B4GALT1: variants seen among roughly 807,000 people sequenced by gnomAD.
B4GALT1 encodes the protein N-acetyllactosamine synthase.
A neutral mutation model predicts 34.9 loss-of-function variants in B4GALT1; 16 were observed. That is an observed-to-expected ratio of 0.46 (90% CI 0.31 to 0.70). B4GALT1 has a LOEUF of 0.70. Among genes scored for constraint, B4GALT1 ranks in the 30% least tolerant of loss-of-function variants. The pLI, the probability that B4GALT1 is intolerant of heterozygous loss-of-function variation, is 0.05. For missense variants in B4GALT1, 445 were observed against 530.5 expected (o/e 0.84, Z 1.58); for synonymous variants, 221 against 218.1 (o/e 1.01, Z -0.12).
chr9:33,164,951 C>T (rs1462526592), intron 1 of B4GALT1, among the ~76,000 whole-genome samples: 3 of 146,124 alleles, frequency 2.1e-5, no homozygotes, highest in South Asian at 2.2e-4. Context: ...TATTATTATA[C>T]GGTGTATTGA....
rs985190534 is a variant in B4GALT1 at position 33,127,697 on chromosome 9, A to G, written c.649-7091T>C. On this transcript the variant is annotated intron_variant, in intron 2 of 5. Transcript: ENST00000379731. ...TTATGATGGAATTCTACGATCAACT[A>G]CTATGAAGGTATGGAAAGTGATGAT... Among the ~76,000 whole-genome samples, 3 of 152,248 alleles carry G rather than the reference A, an allele frequency of 2.0e-5. No individual in the cohort carries two copies. The East Asian group carries it at 5.8e-4, about 29-fold the overall frequency.
chr9:33,157,801 A>C (rs541496700), intron 1 of B4GALT1, among the ~76,000 whole-genome samples: 2 of 152,256 alleles, frequency 1.3e-5, no homozygotes, highest in Non-Finnish European at 2.9e-5. Context: ...ACATATATTC[A>C]CAACTTATTC....
At chr9:33,150,233 T>TACACACACACAC (rs10701535) in intron 1 of B4GALT1, among the ~76,000 whole-genome samples, 53 of 138,168 alleles carry the variant, frequency 3.8e-4, no homozygotes, top group Middle Eastern at 3.5e-3. Flanking sequence ...TACAGGTAGA[T>TACACACACACAC]ACACACACAC....
intron 1 of B4GALT1, among the ~76,000 whole-genome samples, chr9:33,149,713 G>A (rs546943550): frequency 2.0e-5 from 3 of 152,244 alleles, no homozygotes; most frequent in South Asian, 2.1e-4. Context: ...TCTAGATCTC[G>A]TTACACTGAG....
upstream of B4GALT1, chr9:33,167,338 G>A: frequency 1.1e-6 from 1 of 878,718 alleles, no homozygotes. Flanking sequence ...CCTGGGAGCG[G>A]CGAGAAGCCG....
intron 2 of B4GALT1, among the ~76,000 whole-genome samples, chr9:33,133,220 C>A (rs1025337615): frequency 8.5e-5 from 13 of 152,216 alleles, no homozygotes; most frequent in African/African-American, 3.1e-4. Flanking sequence ...TATATTTTAA[C>A]CTACCTATAT....
At chr9:33,107,625 T>C (rs1483220874), downstream of B4GALT1, among the ~76,000 whole-genome samples, 1 of 152,182 alleles carries the variant, frequency 6.6e-6, no homozygotes, top group South Asian at 2.1e-4. Flanking sequence ...GGGGATCTGG[T>C]GATTACTCTC....
intron 4 of B4GALT1, 83 bp downstream of exon 4, chr9:33,115,908 C>A: frequency 1.3e-6 from 2 of 1,547,264 alleles, no homozygotes; most frequent in South Asian, 1.1e-5. Flanking sequence ...GAGGGTCAGT[C>A]CTTGGGGAAC....
the B4GALT1 span, among the ~76,000 whole-genome samples, chr9:33,173,416 C>CA: frequency 0.033 from 3,317 of 101,122 alleles, 63 homozygotes; most frequent in East Asian, 0.087. Flanking sequence ...AAAAAAAAAG[C>CA]AAAAAAAAAA....
At chr9:33,181,977 T>A in the B4GALT1 span, among the ~76,000 whole-genome samples, 1 of 128,672 alleles carries the variant, frequency 7.8e-6, no homozygotes, top group Non-Finnish European at 1.7e-5. Context: ...TTTTTTTTTT[T>A]AGATAGGGTT....
chr9:33,184,287 C>CACACACACAA, the B4GALT1 span, among the ~76,000 whole-genome samples: 8 of 142,678 alleles, frequency 5.6e-5, no homozygotes, highest in Non-Finnish European at 1.3e-4. Flanking sequence ...CACACACACA[C>CACACACACAA]AAAAACATAG....
At chr9:33,108,072 A>G (rs545116346), downstream of B4GALT1, among the ~76,000 whole-genome samples, 5 of 152,250 alleles carry the variant, frequency 3.3e-5, no homozygotes, top group South Asian at 1.0e-3. Flanking sequence ...ACATATGCCC[A>G]CGTGAATTTC....
intron 1 of B4GALT1, among the ~76,000 whole-genome samples, chr9:33,166,102 A>G (rs1428116665): frequency 1.3e-5 from 2 of 152,222 alleles, no homozygotes; most frequent in Admixed American, 6.5e-5. Context: ...ATCCACACAG[A>G]GGAAGAAATG....
At chr9:33,165,248 G>A (rs1377532149) in intron 1 of B4GALT1, among the ~76,000 whole-genome samples, 3 of 151,962 alleles carry the variant, frequency 2.0e-5, no homozygotes, top group Non-Finnish European at 4.4e-5. Flanking sequence ...GATTACAGGC[G>A]TGAGCCACCA....
At chr9:33,149,162 G>A (rs1212196997) in intron 1 of B4GALT1, among the ~76,000 whole-genome samples, 1 of 150,170 alleles carries the variant, frequency 6.7e-6, no homozygotes, top group African/African-American at 2.5e-5. Context: ...AAAACCCAGT[G>A]GATATCAAGA....
At position 33,167,271 on chromosome 9, in the gene B4GALT1, G is replaced by T; in HGVS notation, c.-102C>A. ...TGCCCCACAGCGGCGACTAGGGGAGGGCCCGGAGCGGGGGCGGGCGAGCGG... is the reference window on the plus strand; with the variant it reads ...TGCCCCACAGCGGCGACTAGGGGAGTGCCCGGAGCGGGGGCGGGCGAGCGG... On this transcript the variant is annotated 5_prime_UTR_variant, in exon 1 of 6. Coordinates refer to ENST00000379731, the MANE Select transcript of B4GALT1 (RefSeq NM_001497.4). 1.5e-6 allele frequency: 2 copies of T among 1,370,268 alleles called. No homozygotes were observed. Among genetic ancestry groups the T allele is most frequent in the Non-Finnish European group, 1.9e-6 (2 of 1,054,514 alleles). The allele number at this position is 1,370,268 out of a possible 1,614,324, so 84.9% of individuals were successfully genotyped here.
intron 1 of B4GALT1, among the ~76,000 whole-genome samples, chr9:33,150,189 C>T (rs1336329707): frequency 2.5e-5 from 2 of 79,892 alleles, no homozygotes; most frequent in African/African-American, 1.2e-4. Context: ...GATCTAGATA[C>T]ATCTATCTAA....
intron 1 of B4GALT1, among the ~76,000 whole-genome samples, chr9:33,143,177 G>A (rs1564047887): frequency 1.3e-5 from 2 of 151,988 alleles, no homozygotes; most frequent in Non-Finnish European, 2.9e-5. Flanking sequence ...ATAAATTAAA[G>A]GAGACTGCCA....
chr9:33,118,016 A>G (rs1245312240), intron 3 of B4GALT1, among the ~76,000 whole-genome samples: 4 of 152,304 alleles, frequency 2.6e-5, no homozygotes, highest in African/African-American at 7.2e-5. Context: ...TGAAACAAAC[A>G]TGGTGCTGTG....
Sources: gnomAD v4.1 joint callset for allele counts (sites outside exome capture counted in the v4.1 genomes callset) on GRCh38, gnomAD v4.1.1 for gene constraint, MANE v1.5 for transcripts, NCBI Gene and HGNC (gene_info 2026-07-23, HGNC 2026-07-21) for gene names.